The following CAMKMT variants were observed in gnomAD, a reference collection of about 807,000 sequenced individuals.
CAMKMT encodes the protein calmodulin-lysine N-methyltransferase.
CAMKMT carries 53 observed loss-of-function variants against 48.0 expected under a neutral mutation model. The observed-to-expected ratio is 1.10, with a 90% confidence interval of 0.89 to 1.39. The LOEUF (loss-of-function observed/expected upper bound fraction) is 1.39, where lower values mean the gene tolerates loss of function less well. Among genes scored for constraint, CAMKMT ranks in the 40% most tolerant of loss-of-function variants. CAMKMT has a pLI of 0.00. For synonymous variants in CAMKMT, 165 were observed against 152.3 expected, an observed-to-expected ratio of 1.08 and a Z score of -0.61; for missense variants, 428 against 402.7, an observed-to-expected ratio of 1.06 and a Z score of -0.54.
chr2:44,513,711 A>G (rs1386690581), intron 3 of CAMKMT, among the ~76,000 whole-genome samples: 1 of 152,156 alleles, frequency 6.6e-6, no homozygotes, highest in African/African-American at 2.4e-5. Context: ...TTCAATCACT[A>G]TGGATGTTGA....
At chr2:44,506,013 CCTGG>C (rs2104754546) in intron 3 of CAMKMT, among the ~76,000 whole-genome samples, 1 of 152,044 alleles carries the variant, frequency 6.6e-6, no homozygotes, top group South Asian at 2.1e-4. Context: ...CATCACCATG[CCTGG>C]CTAATTTTTG....
chr2:44,740,349 C>G (rs693168), intron 7 of CAMKMT, among the ~76,000 whole-genome samples: 19,302 of 151,814 alleles, frequency 0.13, 1,365 homozygotes, highest in South Asian at 0.18. Flanking sequence ...AGGCTAGTCT[C>G]GAGCTCCTAG....
chr2:44,765,531 T>A (rs557063113), intron 9 of CAMKMT, among the ~76,000 whole-genome samples: 2,288 of 132,202 alleles, frequency 0.017, 25 homozygotes, highest in African/African-American at 0.036. Flanking sequence ...TTTTTTTTTT[T>A]AAAAAAAAAA....
intron 7 of CAMKMT, among the ~76,000 whole-genome samples, chr2:44,717,212 T>C (rs1260426283): frequency 6.6e-6 from 1 of 152,174 alleles, no homozygotes; most frequent in African/African-American, 2.4e-5. Context: ...TCAATAATAG[T>C]CATATAGAAA....
intron 3 of CAMKMT, among the ~76,000 whole-genome samples, chr2:44,564,045 C>A (rs1005639327): frequency 6.6e-6 from 1 of 152,212 alleles, no homozygotes; most frequent in Non-Finnish European, 1.5e-5. Flanking sequence ...CTTGAGGAAT[C>A]GCCAAACTGT....
intron 7 of CAMKMT, among the ~76,000 whole-genome samples, chr2:44,737,885 T>C (rs1471417111): frequency 8.2e-6 from 1 of 121,376 alleles, no homozygotes; most frequent in Non-Finnish European, 1.7e-5. Context: ...TGAGATGGAG[T>C]CTCGCTGTTA....
intron 3 of CAMKMT, among the ~76,000 whole-genome samples, chr2:44,634,807 A>AAAAAAAAAC (rs1323886533): frequency 3.3e-5 from 5 of 151,932 alleles, no homozygotes; most frequent in Non-Finnish European, 7.4e-5. Context: ...AGCCAAAAAA[A>AAAAAAAAAC]AAAAAGCATT....
intron 3 of CAMKMT, among the ~76,000 whole-genome samples, chr2:44,583,471 A>G (rs1342736812): frequency 2.6e-5 from 4 of 152,186 alleles, no homozygotes; most frequent in Non-Finnish European, 4.4e-5. Context: ...TTTAAAAATC[A>G]ACACTTAAAA....
At chr2:44,436,213 C>T (rs1422169984) in intron 3 of CAMKMT, among the ~76,000 whole-genome samples, 2 of 152,098 alleles carry the variant, frequency 1.3e-5, no homozygotes, top group African/African-American at 4.8e-5. Context: ...GTAACTGGGA[C>T]TACGGATGTG....
At chr2:44,460,089 A>G (rs1039157689) in intron 3 of CAMKMT, among the ~76,000 whole-genome samples, 9 of 152,182 alleles carry the variant, frequency 5.9e-5, no homozygotes, top group African/African-American at 1.9e-4. Flanking sequence ...TGCGAAACTA[A>G]CATTGCTTAA....
chr2:44,651,811 T>C (rs1238154104), intron 3 of CAMKMT, among the ~76,000 whole-genome samples: 2 of 152,236 alleles, frequency 1.3e-5, no homozygotes, highest in African/African-American at 2.4e-5. Context: ...AAAATCCTCC[T>C]GTACTTTTTG....
At chr2:44,522,577 A>T (rs1198184719) in intron 3 of CAMKMT, among the ~76,000 whole-genome samples, 1 of 152,148 alleles carries the variant, frequency 6.6e-6, no homozygotes, top group Non-Finnish European at 1.5e-5. Context: ...AAGGGTTTAT[A>T]ATGCATTACC....
intron 3 of CAMKMT, among the ~76,000 whole-genome samples, chr2:44,563,439 T>C (rs1668435625): frequency 6.6e-6 from 1 of 151,756 alleles, no homozygotes. Context: ...AAGATGATAA[T>C]ATCAAGGGAG....
At chr2:44,469,470 A>G (rs1479973146) in intron 3 of CAMKMT, among the ~76,000 whole-genome samples, 1 of 151,968 alleles carries the variant, frequency 6.6e-6, no homozygotes, top group Non-Finnish European at 1.5e-5. Flanking sequence ...AATTTTAGAA[A>G]CATTTTCTTG....
chr2:44,487,129 A>C (rs948553780), intron 3 of CAMKMT, among the ~76,000 whole-genome samples: 1 of 152,218 alleles, frequency 6.6e-6, no homozygotes, highest in African/African-American at 2.4e-5. Context: ...AAGTGGTCAA[A>C]ATAAAAAAAA....
chr2:44,434,226 A>ATTT (rs35979525), intron 3 of CAMKMT, among the ~76,000 whole-genome samples: 8 of 147,232 alleles, frequency 5.4e-5, no homozygotes, highest in Admixed American at 2.0e-4. Context: ...TTTGTGAGGG[A>ATTT]TTTTTTTTTT....
intron 10 of CAMKMT, 85 bp from the exon 11 acceptor site, chr2:44,771,951 C>A: frequency 1.1e-6 from 1 of 921,166 alleles, no homozygotes; most frequent in East Asian, 2.4e-5. Flanking sequence ...GTGTAAAAGT[C>A]ATCATGATAC....
At chr2:44,455,248 T>A (rs770353574) in intron 3 of CAMKMT, among the ~76,000 whole-genome samples, 19 of 152,122 alleles carry the variant, frequency 1.2e-4, no homozygotes, top group African/African-American at 4.6e-4. Context: ...AGAGATAGAT[T>A]TTTTTTAGAA....
At chr2:44,476,871 G>A (rs1668716279) in intron 3 of CAMKMT, among the ~76,000 whole-genome samples, 1 of 152,054 alleles carries the variant, frequency 6.6e-6, no homozygotes, top group Non-Finnish European at 1.5e-5. Context: ...AAGGATCAAT[G>A]CTTATGAATA....
Sources: allele counts gnomAD v4.1 joint callset (sites outside exome capture counted in the v4.1 genomes callset), GRCh38; gene constraint gnomAD v4.1.1; transcripts MANE v1.5; gene names NCBI Gene and HGNC (gene_info 2026-07-23, HGNC 2026-07-21).